The following AOPEP variants were observed in gnomAD, a reference collection of about 807,000 sequenced individuals.
AOPEP encodes aminopeptidase O (putative).
A neutral mutation model predicts 98.1 loss-of-function variants in AOPEP; 77 were observed. That is an observed-to-expected ratio of 0.78 (90% confidence interval 0.65 to 0.95). The LOEUF (loss-of-function observed/expected upper bound fraction) is 0.95. Among genes scored for constraint, AOPEP ranks in the 40% least tolerant of loss-of-function variants. The pLI, the probability that AOPEP is intolerant of heterozygous loss-of-function variation, is 0.00. For missense variants in AOPEP, 1,024 were observed against 1,024.7 expected (o/e 1.00, Z 0.01); for synonymous variants, 346 against 365.3 (o/e 0.95, Z 0.60).
At chr9:95,102,891 GGGCCTGCAGCC>G in the AOPEP span, among the ~76,000 whole-genome samples, 1 of 152,238 alleles carries the variant, frequency 6.6e-6, no homozygotes, top group African/African-American at 2.4e-5. Flanking sequence ...GCAGCACACA[GGGCCTGCAGCC>G]GGCCTGCAAC....
At chr9:95,126,186 A>G in the AOPEP span, among the ~76,000 whole-genome samples, 1 of 152,220 alleles carries the variant, frequency 6.6e-6, no homozygotes, top group Admixed American at 6.5e-5. Flanking sequence ...CAGCCCTCAC[A>G]TGGTGAAGGG....
chr9:94,805,493 T>G (rs1849073401), intron 5 of AOPEP, among the ~76,000 whole-genome samples: 1 of 149,038 alleles, frequency 6.7e-6, no homozygotes, highest in African/African-American at 2.5e-5. Flanking sequence ...TGTTTTTTGT[T>G]TTTTTTTTTA....
chr9:94,803,621 A>G (rs765168600), intron 5 of AOPEP, among the ~76,000 whole-genome samples: 3 of 152,210 alleles, frequency 2.0e-5, no homozygotes, highest in African/African-American at 4.8e-5. Context: ...AAGGTAAATA[A>G]TACACAAATA....
intron 16 of AOPEP, among the ~76,000 whole-genome samples, chr9:95,083,328 G>C (rs528202757): frequency 2.5e-4 from 37 of 147,042 alleles, no homozygotes; most frequent in African/African-American, 6.6e-4. Flanking sequence ...GCACCACACA[G>C]AGCACGCACA....
chr9:94,773,622 T>C (rs1841377927), intron 3 of AOPEP, among the ~76,000 whole-genome samples: 1 of 152,208 alleles, frequency 6.6e-6, no homozygotes, highest in African/African-American at 2.4e-5. Flanking sequence ...TACACATGGT[T>C]TGCCTGTGTA....
At chr9:94,990,612 T>G (rs1192010356) in intron 11 of AOPEP, among the ~76,000 whole-genome samples, 4 of 51,642 alleles carry the variant, frequency 7.7e-5, no homozygotes, top group Non-Finnish European at 1.4e-4. Flanking sequence ...ATTATTTAAT[T>G]TAATTAATTA....
intron 2 of AOPEP, among the ~76,000 whole-genome samples, chr9:94,767,155 A>T (rs540288088): frequency 8.5e-5 from 13 of 152,362 alleles, no homozygotes; most frequent in African/African-American, 2.6e-4. Context: ...TTTCTTCAAG[A>T]AACCAATGCA....
At chr9:94,867,996 C>T (rs986406404) in intron 5 of AOPEP, among the ~76,000 whole-genome samples, 1 of 152,206 alleles carries the variant, frequency 6.6e-6, no homozygotes, top group Non-Finnish European at 1.5e-5. Flanking sequence ...AACCCATGCT[C>T]CCCTGGCTGT....
intron 5 of AOPEP, among the ~76,000 whole-genome samples, chr9:94,807,816 T>C (rs1197346013): frequency 6.6e-6 from 1 of 152,200 alleles, no homozygotes; most frequent in Admixed American, 6.5e-5. Flanking sequence ...AAGTATTTCT[T>C]TTAAGGGTAG....
chr9:94,771,013 T>G (rs1480107370), intron 2 of AOPEP, among the ~76,000 whole-genome samples: 1 of 152,222 alleles, frequency 6.6e-6, no homozygotes, highest in Non-Finnish European at 1.5e-5. Context: ...CTGCACAGTA[T>G]TTCTCAGATT....
chr9:94,821,618 T>C (rs1411555075), intron 5 of AOPEP, among the ~76,000 whole-genome samples: 1 of 152,152 alleles, frequency 6.6e-6, no homozygotes, highest in Non-Finnish European at 1.5e-5. Context: ...TGGAGCTGAG[T>C]TGCTGAAACC....
intron 5 of AOPEP, among the ~76,000 whole-genome samples, chr9:94,801,940 C>T (rs1443003229): frequency 6.6e-6 from 1 of 152,156 alleles, no homozygotes; most frequent in South Asian, 2.1e-4. Flanking sequence ...AAACCATGAG[C>T]AGAAAAGAAC....
At chr9:95,142,109 C>T in the AOPEP span, among the ~76,000 whole-genome samples, 1 of 149,850 alleles carries the variant, frequency 6.7e-6, no homozygotes, top group African/African-American at 2.4e-5. Context: ...TCTCCTGCCT[C>T]AGCCTCCTGA....
intron 14 of AOPEP, among the ~76,000 whole-genome samples, chr9:95,068,946 C>T (rs536674651): frequency 2.6e-5 from 4 of 152,170 alleles, no homozygotes; most frequent in East Asian, 1.9e-4. Flanking sequence ...CCTCAGTGTG[C>T]GTGGCCCTTC....
chr9:94,940,955 A>G (rs1215145195), intron 7 of AOPEP, among the ~76,000 whole-genome samples: 2 of 152,224 alleles, frequency 1.3e-5, no homozygotes, highest in African/African-American at 4.8e-5. Flanking sequence ...ATTGGCTGGA[A>G]TGTTCAACAA....
chr9:94,966,286 G>C (rs545674291), intron 9 of AOPEP, among the ~76,000 whole-genome samples: 1 of 151,990 alleles, frequency 6.6e-6, no homozygotes, highest in East Asian at 1.9e-4. Flanking sequence ...TGGTTCTATT[G>C]GGAGGCTTCG....
intron 9 of AOPEP, among the ~76,000 whole-genome samples, chr9:94,962,164 GTTAATA>G (rs1402418394): frequency 6.6e-6 from 1 of 152,156 alleles, no homozygotes; most frequent in East Asian, 1.9e-4. Context: ...TTCCCACTGT[GTTAATA>G]TTAATTAATT....
chr9:94,872,048 C>G (rs2046407828), intron 5 of AOPEP, among the ~76,000 whole-genome samples: 1 of 152,068 alleles, frequency 6.6e-6, no homozygotes, highest in African/African-American at 2.4e-5. Context: ...CTAGTTTTTT[C>G]TAGCTCAGCA....
rs576522058 is a variant in AOPEP at position 94,852,090 on chromosome 9, A to C, written c.1364+51088A>C. 7.9e-5 allele frequency among the ~76,000 whole-genome samples: 12 copies of C among 152,200 alleles called. No homozygotes were observed. The South Asian group carries it at 8.3e-4, about 11-fold the overall frequency. Reference sequence around the variant, plus strand: ...AGAGATGAACCTAGAACAAGGGTGGACCCCGTAGACATGATAATTTGAGCG... The same window carrying C: ...AGAGATGAACCTAGAACAAGGGTGGCCCCCGTAGACATGATAATTTGAGCG... On this transcript the variant is annotated intron_variant, in intron 5 of 16. Coordinates refer to ENST00000375315, the MANE Select transcript of AOPEP (RefSeq NM_001193329.3).
Sources: gnomAD v4.1 joint callset for allele counts (sites outside exome capture counted in the v4.1 genomes callset) on GRCh38, gnomAD v4.1.1 for gene constraint, MANE v1.5 for transcripts, NCBI Gene and HGNC (gene_info 2026-07-23, HGNC 2026-07-21) for gene names.